RNLS: variants seen among roughly 807,000 people sequenced by gnomAD.
The protein encoded by RNLS is renalase, FAD dependent amine oxidase, also known as renalase.
A neutral mutation model predicts 39.8 loss-of-function variants in RNLS; 39 were observed. The observed-to-expected ratio is 0.98, with a 90% confidence interval of 0.76 to 1.28. RNLS has a LOEUF of 1.28. Ranked by LOEUF, RNLS falls within the 50% of genes most tolerant of loss-of-function variation. RNLS has a pLI of 0.00. For missense variants in RNLS, 410 were observed against 413.3 expected (o/e 0.99, Z 0.07); for synonymous variants, 147 against 150.7 (o/e 0.98, Z 0.18).
intron 6 of RNLS, among the ~76,000 whole-genome samples, chr10:88,312,531 G>A (rs1317617581): frequency 6.6e-6 from 1 of 152,128 alleles, no homozygotes; most frequent in Non-Finnish European, 1.5e-5. Flanking sequence ...ATATAAGGTG[G>A]GTGAAGAGGA....
intron 4 of RNLS, among the ~76,000 whole-genome samples, chr10:88,389,996 G>A (rs1461611574): frequency 6.6e-6 from 1 of 152,198 alleles, no homozygotes; most frequent in Non-Finnish European, 1.5e-5. Flanking sequence ...TACAGCATTT[G>A]CAACAATATT....
intron 4 of RNLS, among the ~76,000 whole-genome samples, chr10:88,444,682 T>C (rs191286735): frequency 0.073 from 11,141 of 152,216 alleles, 571 homozygotes; most frequent in Admixed American, 0.14. Flanking sequence ...ATGCACAAGC[T>C]TCAGTAGCCG....
chr10:88,251,737 A>G, the RNLS span, among the ~76,000 whole-genome samples: 1 of 152,218 alleles, frequency 6.6e-6, no homozygotes, highest in South Asian at 2.1e-4. Flanking sequence ...AGTATTTAAT[A>G]CCTTCTTGTG....
chr10:88,581,756 T>A, intron 2 of RNLS, 47 bp from the exon 3 acceptor site: 1 of 1,288,424 alleles, frequency 7.8e-7, no homozygotes, highest in Non-Finnish European at 1.0e-6. Context: ...ATACCATGAA[T>A]AGCTCTAAAA....
At chr10:88,397,191 T>G (rs562308438) in intron 4 of RNLS, among the ~76,000 whole-genome samples, 2 of 152,108 alleles carry the variant, frequency 1.3e-5, no homozygotes, top group South Asian at 4.1e-4. Context: ...ACATGAGACA[T>G]TCTCCAGGAT....
intron 5 of RNLS, among the ~76,000 whole-genome samples, chr10:88,325,266 A>T (rs1230324417): frequency 2.6e-5 from 4 of 152,210 alleles, no homozygotes; most frequent in Non-Finnish European, 5.9e-5. Context: ...GAAATGCACA[A>T]GGGTTCCAAT....
chr10:88,420,468 T>C (rs759015429), intron 4 of RNLS, among the ~76,000 whole-genome samples: 7 of 152,240 alleles, frequency 4.6e-5, no homozygotes, highest in Non-Finnish European at 5.9e-5. Context: ...AGGGTCATAC[T>C]CCTTACAGAG....
intron 5 of RNLS, among the ~76,000 whole-genome samples, chr10:88,338,797 C>T (rs983903815): frequency 1.5e-5 from 2 of 134,312 alleles, no homozygotes; most frequent in African/African-American, 2.8e-5. Context: ...GAGTCTCGCT[C>T]TGTTGCCAGG....
chr10:88,540,392 G>A (rs996072412), intron 4 of RNLS, among the ~76,000 whole-genome samples: 2 of 152,118 alleles, frequency 1.3e-5, no homozygotes, highest in African/African-American at 2.4e-5. Context: ...TTTCAAAAGT[G>A]TTACTATTTT....
intron 5 of RNLS, among the ~76,000 whole-genome samples, chr10:88,317,152 G>A (rs1374604692): frequency 6.6e-6 from 1 of 152,112 alleles, no homozygotes; most frequent in African/African-American, 2.4e-5. Flanking sequence ...ACAGTAAGTT[G>A]ACAATTATTT....
At chr10:88,172,839 G>GTTTTTTTTTTTTTTTT in the RNLS span, among the ~76,000 whole-genome samples, 2 of 31,504 alleles carry the variant, frequency 6.3e-5, no homozygotes, top group Non-Finnish European at 1.3e-4. Context: ...TGCATTTTGA[G>GTTTTTTTTTTTTTTTT]TTGTTTTTTT....
intron 5 of RNLS, among the ~76,000 whole-genome samples, chr10:88,333,426 T>C (rs1203767773): frequency 6.6e-6 from 1 of 152,164 alleles, no homozygotes; most frequent in Non-Finnish European, 1.5e-5. Flanking sequence ...TTAATACCCT[T>C]CCTGAAATTT....
At chr10:88,208,032 T>G in the RNLS span, among the ~76,000 whole-genome samples, 4 of 152,228 alleles carry the variant, frequency 2.6e-5, no homozygotes, top group East Asian at 7.7e-4. Flanking sequence ...AGTTCAGAGA[T>G]TAGTATAGTC....
intron 4 of RNLS, among the ~76,000 whole-genome samples, chr10:88,410,538 T>C (rs941514382): frequency 6.6e-6 from 1 of 152,186 alleles, no homozygotes; most frequent in African/African-American, 2.4e-5. Context: ...AAAATGAACT[T>C]GTCCCCATAA....
At chr10:88,581,467 A>G in intron 3 of RNLS, 100 bp downstream of exon 3, 1 of 1,014,674 alleles carries the variant, frequency 9.9e-7, no homozygotes, top group Non-Finnish European at 1.4e-6. Flanking sequence ...AGAGCACCTA[A>G]TATTTATAAT....
At chr10:88,513,989 T>C (rs1257627738) in intron 4 of RNLS, among the ~76,000 whole-genome samples, 1 of 152,092 alleles carries the variant, frequency 6.6e-6, no homozygotes, top group African/African-American at 2.4e-5. Flanking sequence ...TTCTTTTGGG[T>C]ACAACGTTCT....
At chr10:88,216,958 G>A in the RNLS span, among the ~76,000 whole-genome samples, 14 of 152,196 alleles carry the variant, frequency 9.2e-5, no homozygotes, top group Non-Finnish European at 1.8e-4. Flanking sequence ...AACCAAGATA[G>A]GCTCTTGGCA....
intron 6 of RNLS, chr10:88,275,041 C>T: frequency 6.2e-7 from 1 of 1,610,416 alleles, no homozygotes; most frequent in Non-Finnish European, 8.5e-7. Flanking sequence ...ACCTGAAAAT[C>T]AAAGGAATAT....
chr10:88,285,483 A>G lies in RNLS; in HGVS notation c.900T>C (p.Cys300=). The stretch of plus-strand genomic sequence containing the variant: ...TGTGATGCAGAGTCATTTGGCCAGG[A>G]CAGTTGGCAGCAGCATTTGTAACCT... ...HSQVTNAAAN[C]PGQMTLHHKP... Residue 300 remains cysteine (C), a synonymous_variant, in exon 7 of 7, where the codon TGT becomes TGC. Transcript: ENST00000331772. 2 of 1,613,032 alleles carry G rather than the reference A, an allele frequency of 1.2e-6. No homozygotes were observed. The highest frequency in any genetic ancestry group is 1.7e-6 in the Non-Finnish European group (2 of 1,179,314).
Sources: allele counts gnomAD v4.1 joint callset (sites outside exome capture counted in the v4.1 genomes callset), GRCh38; gene constraint gnomAD v4.1.1; transcripts MANE v1.5; gene names NCBI Gene and HGNC (gene_info 2026-07-23, HGNC 2026-07-21).